Variants in KIF26B observed in about 807,000 individuals in gnomAD.
The protein encoded by KIF26B is kinesin family member 26B.
A neutral mutation model predicts 151.2 loss-of-function variants in KIF26B; 63 were observed. The observed-to-expected ratio is 0.42, with a 90% CI of 0.34 to 0.51. The LOEUF is 0.51. Ranked by LOEUF, KIF26B falls within the 20% of genes least tolerant of loss-of-function variation. The pLI is 0.07. For missense variants in KIF26B, 2,813 were observed against 2,913.6 expected, an observed-to-expected ratio of 0.97 and a Z score of 0.79; for synonymous variants, 1,357 against 1,262.1, an observed-to-expected ratio of 1.08 and a Z score of -1.59.
chr1:245,586,764 T>C (rs972625842), intron 5 of KIF26B, among the ~76,000 whole-genome samples: 3 of 151,696 alleles, frequency 2.0e-5, no homozygotes, highest in African/African-American at 7.3e-5. Flanking sequence ...CGGGCGCCTG[T>C]AGTCCCAGCT....
At chr1:245,307,040 T>G (rs1036592074) in intron 2 of KIF26B, among the ~76,000 whole-genome samples, 1 of 152,230 alleles carries the variant, frequency 6.6e-6, no homozygotes, top group African/African-American at 2.4e-5. Context: ...ATCAAACTTA[T>G]AAAGAGATTT....
chr1:245,493,162 A>G (rs533178578), intron 4 of KIF26B, among the ~76,000 whole-genome samples: 4 of 152,320 alleles, frequency 2.6e-5, no homozygotes, highest in African/African-American at 9.6e-5. Context: ...TCGTTTTGTA[A>G]ACTTGATGAA....
intron 9 of KIF26B, among the ~76,000 whole-genome samples, chr1:245,626,402 G>GTTT (rs34420692): frequency 0.21 from 31,909 of 148,582 alleles, 3,783 homozygotes; most frequent in East Asian, 0.37. Flanking sequence ...TTCATGGTGG[G>GTTT]TTTTTTTTTT....
chr1:245,367,372 G>A lies in KIF26B; in HGVS notation c.999+5G>A, dbSNP rs1183697558. 1 of 1,577,612 alleles carries A rather than the reference G, an allele frequency of 6.3e-7. No homozygotes were observed. The highest frequency in any genetic ancestry group is 1.8e-5 in the Admixed American group (1 of 54,974). ...GTCACCCTGTACCCATACCAGGTAA[G>A]TAGCCTGTGTGAGCCAGGAAGAGCA... On this transcript the variant is annotated splice_donor_5th_base_variant and intron_variant, in intron 3 of 14. Coordinates refer to ENST00000407071, the MANE Select transcript of KIF26B (RefSeq NM_018012.4). This position sits in a 1 kb window ranked among gnomAD's most constrained non-coding sequence, Gnocchi z 4.2.
At chr1:245,625,610 T>A (rs1471877358) in intron 9 of KIF26B, among the ~76,000 whole-genome samples, 1 of 152,246 alleles carries the variant, frequency 6.6e-6, no homozygotes, top group African/African-American at 2.4e-5. Context: ...CAGTTATCAC[T>A]TATTTGTGTT....
At chr1:245,312,022 C>G (rs962566242) in intron 2 of KIF26B, among the ~76,000 whole-genome samples, 1 of 152,190 alleles carries the variant, frequency 6.6e-6, no homozygotes, top group African/African-American at 2.4e-5. Context: ...AGACCTCCTC[C>G]GGGGAGTGGT....
At chr1:245,480,614 G>C (rs1161523450) in intron 4 of KIF26B, among the ~76,000 whole-genome samples, 1 of 151,650 alleles carries the variant, frequency 6.6e-6, no homozygotes, top group African/African-American at 2.4e-5. Context: ...AGAGCTGGCA[G>C]AGTGACCGGG....
intron 5 of KIF26B, among the ~76,000 whole-genome samples, chr1:245,546,697 ACT>A (rs1184327281): frequency 1.3e-5 from 2 of 152,196 alleles, no homozygotes; most frequent in Non-Finnish European, 2.9e-5. Context: ...ATTCTTAAAC[ACT>A]AAAGTTGGGA....
intron 4 of KIF26B, among the ~76,000 whole-genome samples, chr1:245,469,908 G>T (rs747738305): frequency 6.6e-6 from 1 of 152,024 alleles, no homozygotes; most frequent in Non-Finnish European, 1.5e-5. Flanking sequence ...GCAGAAAGCA[G>T]TCTATGGATT....
rs555862367 is a variant in KIF26B at position 245,263,122 on chromosome 1, C to G, written c.466-103712C>G. Among the ~76,000 whole-genome samples the G allele has an allele frequency of 2.4e-4, 37 of 152,326 alleles. No individual in the cohort carries two copies. The South Asian group carries it at 5.0e-3, about 20-fold the overall frequency. On this transcript the variant is annotated intron_variant, in intron 2 of 14. Transcript: ENST00000407071. Reference sequence around the variant, plus strand: ...ACTGCATCAGACTTACAGGTCACTGCTTTTGTAGCCCCAGTACGGTAGGAG... The same window carrying G: ...ACTGCATCAGACTTACAGGTCACTGGTTTTGTAGCCCCAGTACGGTAGGAG...
intron 2 of KIF26B, among the ~76,000 whole-genome samples, chr1:245,296,523 C>A (rs1469454427): frequency 2.0e-5 from 3 of 152,138 alleles, no homozygotes; most frequent in Non-Finnish European, 4.4e-5. Flanking sequence ...CAGTGTGCAC[C>A]AAGGTCAGTC....
intron 4 of KIF26B, among the ~76,000 whole-genome samples, chr1:245,524,914 C>T (rs543787067): frequency 6.6e-6 from 1 of 152,288 alleles, no homozygotes; most frequent in East Asian, 1.9e-4. Context: ...CCAAGGGACA[C>T]TTTGCATTCT....
chr1:245,208,167 C>A (rs749673389), intron 2 of KIF26B, among the ~76,000 whole-genome samples: 1 of 152,182 alleles, frequency 6.6e-6, no homozygotes, highest in Non-Finnish European at 1.5e-5. Context: ...GAAACCAAAG[C>A]GATAGGCTGG....
intron 5 of KIF26B, among the ~76,000 whole-genome samples, chr1:245,556,339 C>T (rs1050977635): frequency 7.5e-6 from 1 of 134,062 alleles, no homozygotes; most frequent in African/African-American, 2.9e-5. Flanking sequence ...CTTCTTCCTC[C>T]TTCCTCCCTC....
At chr1:245,448,849 A>G (rs1198822573) in intron 4 of KIF26B, among the ~76,000 whole-genome samples, 1 of 152,224 alleles carries the variant, frequency 6.6e-6, no homozygotes, top group Non-Finnish European at 1.5e-5. Flanking sequence ...TTTACTCAAA[A>G]ATGTATTTCT....
chr1:245,172,195 C>CTCAAG (rs758205068), intron 2 of KIF26B, among the ~76,000 whole-genome samples: 46 of 151,836 alleles, frequency 3.0e-4, no homozygotes, highest in Non-Finnish European at 6.5e-4. Flanking sequence ...AGCCCTTGCC[C>CTCAAG]TCAAGTCCCT....
intron 2 of KIF26B, among the ~76,000 whole-genome samples, chr1:245,298,012 A>G (rs1456958556): frequency 1.3e-5 from 2 of 151,990 alleles, no homozygotes; most frequent in Non-Finnish European, 2.9e-5. Context: ...TCAGCCTCCA[A>G]AGTAGCTGGG....
At chr1:245,197,443 G>T (rs1310937694) in intron 2 of KIF26B, among the ~76,000 whole-genome samples, 1 of 152,100 alleles carries the variant, frequency 6.6e-6, no homozygotes, top group Non-Finnish European at 1.5e-5. Flanking sequence ...GGACAGTGGA[G>T]ACTGATCTTT....
chr1:245,313,217 A>C (rs1429327022), intron 2 of KIF26B, among the ~76,000 whole-genome samples: 1 of 152,222 alleles, frequency 6.6e-6, no homozygotes, highest in Non-Finnish European at 1.5e-5. Context: ...ACCTGCCTGC[A>C]TCAGCCAGGC....
Sources: allele counts gnomAD v4.1 joint callset (sites outside exome capture counted in the v4.1 genomes callset), GRCh38; gene constraint gnomAD v4.1.1; non-coding constraint Gnocchi (gnomAD v3.1); transcripts MANE v1.5; gene names NCBI Gene and HGNC (gene_info 2026-07-23, HGNC 2026-07-21).